The following DLGAP2 variants were observed in gnomAD, a reference collection of about 807,000 sequenced individuals.
DLGAP2 encodes the protein disks large-associated protein 2.
DLGAP2 carries 26 observed loss-of-function variants against 100.3 expected under a neutral mutation model. The observed-to-expected ratio is 0.26, with a 90% CI of 0.19 to 0.36. The LOEUF is 0.36. DLGAP2 is among the 10% of genes least tolerant of loss of function. The pLI is 1.00. For synonymous variants in DLGAP2, 886 were observed against 630.1 expected (o/e 1.41, Z -6.08); for missense variants, 1,858 against 1,453.2 (o/e 1.28, Z -4.53).
chr8:1,472,790 A>G (rs906065133), intron 3 of DLGAP2, among the ~76,000 whole-genome samples: 25 of 152,236 alleles, frequency 1.6e-4, no homozygotes, highest in African/African-American at 4.6e-4. Context: ...TTGAACTCCC[A>G]TAAAATGCAA....
At chr8:1,105,536 A>G (rs1443883428) in intron 2 of DLGAP2, among the ~76,000 whole-genome samples, 1 of 151,290 alleles carries the variant, frequency 6.6e-6, no homozygotes, top group Non-Finnish European at 1.5e-5. Flanking sequence ...CTGAGTGACA[A>G]GGTAGGAGCT....
intron 3 of DLGAP2, chr8:1,379,462 TCTC>T (rs1300293103): frequency 2.0e-5 from 3 of 152,248 alleles, no homozygotes; most frequent in African/African-American, 7.2e-5. Flanking sequence ...TGCCGAGGCC[TCTC>T]CTCATGGCGA....
At chr8:1,098,202 C>T (rs752401387) in intron 2 of DLGAP2, among the ~76,000 whole-genome samples, 2 of 152,226 alleles carry the variant, frequency 1.3e-5, no homozygotes, top group Admixed American at 6.5e-5. Flanking sequence ...GCGTCCTCTG[C>T]GTATGCGTCA....
intron 1 of DLGAP2, among the ~76,000 whole-genome samples, chr8:854,509 G>C (rs1415905501): frequency 6.6e-6 from 1 of 152,110 alleles, no homozygotes; most frequent in African/African-American, 2.4e-5. Flanking sequence ...GTGGGTGAGA[G>C]TGAGAGAGTG....
chr8:1,160,238 G>A (rs183530187), intron 2 of DLGAP2, among the ~76,000 whole-genome samples: 1 of 152,318 alleles, frequency 6.6e-6, no homozygotes, highest in East Asian at 1.9e-4. Flanking sequence ...TTTTTCAGCT[G>A]GGTGGGGACC....
At chr8:1,200,017 A>G (rs180834091) in intron 2 of DLGAP2, among the ~76,000 whole-genome samples, 10 of 151,952 alleles carry the variant, frequency 6.6e-5, no homozygotes, top group Non-Finnish European at 1.2e-4. Context: ...CCTGTGGAAA[A>G]GTGTGGGGAG....
At chr8:1,521,794 G>A (rs1352483872) in intron 4 of DLGAP2, among the ~76,000 whole-genome samples, 1 of 138,412 alleles carries the variant, frequency 7.2e-6, no homozygotes, top group Non-Finnish European at 1.6e-5. Flanking sequence ...CGGGCGGCAG[G>A]TGATATGGGG....
At chr8:1,318,778 G>GCCCCCCCCCCCCCCCCCCCCC (rs34614425) in intron 3 of DLGAP2, among the ~76,000 whole-genome samples, 8 of 105,566 alleles carry the variant, frequency 7.6e-5, no homozygotes, top group African/African-American at 1.3e-4. Flanking sequence ...TCAGTGATCA[G>GCCCCCCCCCCCCCCCCCCCCC]CCCCCCCCCC....
At chr8:893,358 C>T (rs1034014727) in intron 1 of DLGAP2, among the ~76,000 whole-genome samples, 1 of 152,204 alleles carries the variant, frequency 6.6e-6, no homozygotes, top group African/African-American at 2.4e-5. Flanking sequence ...TTGACCCTGC[C>T]AGGATGACCA....
chr8:1,185,845 G>T (rs1374883201), intron 2 of DLGAP2, among the ~76,000 whole-genome samples: 1 of 152,128 alleles, frequency 6.6e-6, no homozygotes, highest in East Asian at 1.9e-4. Flanking sequence ...ACATTCAGGA[G>T]ATCCAATCAG....
chr8:1,264,992 C>T (rs1454795868), intron 3 of DLGAP2, among the ~76,000 whole-genome samples: 2 of 152,182 alleles, frequency 1.3e-5, no homozygotes, highest in Non-Finnish European at 2.9e-5. Flanking sequence ...CCTCCTTTGC[C>T]TTCCACCATG....
At chr8:1,586,614 A>G (rs1424327067) in intron 6 of DLGAP2, among the ~76,000 whole-genome samples, 1 of 152,180 alleles carries the variant, frequency 6.6e-6, no homozygotes, top group African/African-American at 2.4e-5. Context: ...ACGTGTTCAC[A>G]GATGTGGCAC....
chr8:757,973 G>A (rs1820963345), intron 1 of DLGAP2, among the ~76,000 whole-genome samples: 1 of 152,208 alleles, frequency 6.6e-6, no homozygotes, highest in Non-Finnish European at 1.5e-5. Flanking sequence ...GAGTCCTGGT[G>A]CTGCTTGCTG....
chr8:828,015 A>T (rs1796714412), intron 1 of DLGAP2, among the ~76,000 whole-genome samples: 1 of 152,164 alleles, frequency 6.6e-6, no homozygotes, highest in African/African-American at 2.4e-5. Flanking sequence ...TCAAAAGGGG[A>T]GGGAGTATAT....
chr8:1,239,734 A>G (rs1275055400), intron 2 of DLGAP2, among the ~76,000 whole-genome samples: 5 of 47,802 alleles, frequency 1.0e-4, no homozygotes, highest in Non-Finnish European at 2.0e-4. Context: ...GTTCTCTCAC[A>G]TGGCGCCGTG....
At chr8:1,409,751 G>A (rs73670795) in intron 3 of DLGAP2, among the ~76,000 whole-genome samples, 6,803 of 152,230 alleles carry the variant, frequency 0.045, 439 homozygotes, top group African/African-American at 0.14. Context: ...AACTGAAAGA[G>A]GAAGGGAGGA....
Position 1,548,834 on chromosome 8 carries a change from C to G in DLGAP2, c.381C>G (p.Ser127Arg). 1 of 1,580,290 alleles carries G rather than the reference C, an allele frequency of 6.3e-7. No homozygotes were observed. ...CCTACCTGCTGAGCCCCGCCGACAG[C>G]TGCCCCGGGGGGCGCCACCGCTGCT... ...RPPYLLSPAD[S>R]CPGGRHRCSP... Residue 127 changes from serine to arginine, a missense_variant, in exon 5 of 15, where the codon AGC becomes AGG. By Grantham distance (110) the Ser-to-Arg change is moderately radical. Coordinates refer to ENST00000637795, the MANE Select transcript of DLGAP2 (RefSeq NM_001346810.2).
At chr8:1,665,092 GAGA>G (rs1169482036) in intron 8 of DLGAP2, among the ~76,000 whole-genome samples, 3 of 152,304 alleles carry the variant, frequency 2.0e-5, no homozygotes, top group Admixed American at 6.5e-5. Flanking sequence ...ATTATAAAGT[GAGA>G]AGATGTGGTA....
At chr8:1,492,602 G>A (rs770365930) in intron 3 of DLGAP2, among the ~76,000 whole-genome samples, 7 of 152,292 alleles carry the variant, frequency 4.6e-5, no homozygotes, top group Non-Finnish European at 8.8e-5. Context: ...TCCAAGAGCC[G>A]AGGCCCACGC....
Sources: gnomAD v4.1 joint callset for allele counts (sites outside exome capture counted in the v4.1 genomes callset) on GRCh38, gnomAD v4.1.1 for gene constraint, MANE v1.5 for transcripts, NCBI Gene and HGNC (gene_info 2026-07-23, HGNC 2026-07-21) for gene names.